ZMIZ1: variants seen among roughly 807,000 people sequenced by gnomAD.
ZMIZ1 encodes zinc finger MIZ domain-containing protein 1.
ZMIZ1 carries 17 observed loss-of-function variants against 113.9 expected under a neutral mutation model. That is an observed-to-expected ratio of 0.15 (90% CI 0.10 to 0.22). The LOEUF (loss-of-function observed/expected upper bound fraction) is 0.22, where lower values mean the gene tolerates loss of function less well. Among genes scored for constraint, ZMIZ1 ranks in the 10% least tolerant of loss-of-function variants. The pLI, the probability that ZMIZ1 is intolerant of heterozygous loss-of-function variation, is 1.00. For synonymous variants in ZMIZ1, 607 were observed against 603.1 expected (o/e 1.01, Z -0.09); for missense variants, 1,059 against 1,477.8 (o/e 0.72, Z 4.65).
At chr10:79,277,711 C>T (rs1329899121) in intron 8 of ZMIZ1, among the ~76,000 whole-genome samples, 2 of 152,182 alleles carry the variant, frequency 1.3e-5, no homozygotes, top group Admixed American at 6.5e-5. Flanking sequence ...AGAGCCAGCC[C>T]AGGCCAGCCA....
chr10:79,219,656 T>C (rs1365148186), intron 7 of ZMIZ1, among the ~76,000 whole-genome samples: 1 of 152,212 alleles, frequency 6.6e-6, no homozygotes, highest in Non-Finnish European at 1.5e-5. Context: ...GCACCCCTGC[T>C]TGAACACAGC....
intron 2 of ZMIZ1, 81 bp from the exon 3 acceptor site, chr10:79,139,601 G>A (rs151266249): frequency 2.0e-5 from 8 of 397,780 alleles, no homozygotes; most frequent in East Asian, 1.8e-4. Flanking sequence ...TTAGCTTGGC[G>A]GCAGGGACAG....
chr10:79,305,278 C>T (rs1374608241), intron 20 of ZMIZ1, 47 bp downstream of exon 20: 2 of 1,602,348 alleles, frequency 1.2e-6, no homozygotes, highest in South Asian at 2.2e-5. Context: ...CCCCCAACCA[C>T]AGACGGGAGG....
rs77104363 is a variant in ZMIZ1 at position 79,132,453 on chromosome 10, G to T, written c.-226-7229G>T. On this transcript the variant is annotated intron_variant, in intron 2 of 24. Transcript: ENST00000334512. ...CCACACAAGCCTGTGTATTGGGCTG[G>T]AGTGAGGCAGCAGGGAGCAGCGAGG... Among the ~76,000 whole-genome samples, 206 of 152,332 alleles carry T rather than the reference G, an allele frequency of 1.4e-3. 2 individuals carry two copies. The East Asian group carries it at 0.029, about 21-fold the overall frequency.
At chr10:79,253,151 A>AC (rs1345549319) in intron 7 of ZMIZ1, among the ~76,000 whole-genome samples, 1 of 152,166 alleles carries the variant, frequency 6.6e-6, no homozygotes, top group African/African-American at 2.4e-5. Flanking sequence ...TGTTGCAGAG[A>AC]TTATGTGTTG....
chr10:79,216,538 C>T, intron 7 of ZMIZ1: 1 of 324,644 alleles, frequency 3.1e-6, no homozygotes, highest in Non-Finnish European at 5.7e-6. Flanking sequence ...CAGCAGTAGG[C>T]ACTGTGCTAC....
intron 1 of ZMIZ1, among the ~76,000 whole-genome samples, chr10:79,114,769 C>G (rs1457877861): frequency 1.3e-5 from 2 of 152,064 alleles, no homozygotes; most frequent in East Asian, 3.9e-4. Context: ...CTCCCCTCCC[C>G]CTGACATCTT....
chr10:79,265,589 T>C (rs1014800125), intron 7 of ZMIZ1, among the ~76,000 whole-genome samples: 3 of 151,376 alleles, frequency 2.0e-5, no homozygotes, highest in Non-Finnish European at 4.4e-5. Context: ...AGCTTGCTAC[T>C]GATGGTGCTG....
At chr10:79,194,978 C>T (rs1056725155) in intron 4 of ZMIZ1, among the ~76,000 whole-genome samples, 19 of 152,190 alleles carry the variant, frequency 1.2e-4, no homozygotes, top group Non-Finnish European at 8.8e-5. Flanking sequence ...CCAACTAAGC[C>T]CAGCCAAGCG....
chr10:79,228,889 C>G (rs867520224), intron 7 of ZMIZ1, among the ~76,000 whole-genome samples: 3 of 152,220 alleles, frequency 2.0e-5, no homozygotes, highest in African/African-American at 7.2e-5. Context: ...CTATATGTAT[C>G]CCCGGCCTCA....
intron 2 of ZMIZ1, among the ~76,000 whole-genome samples, chr10:79,133,602 G>T (rs1224070165): frequency 1.3e-5 from 2 of 152,098 alleles, no homozygotes; most frequent in South Asian, 2.1e-4. Flanking sequence ...TCCTAGCGAC[G>T]CATGCCTGGC....
intron 4 of ZMIZ1, among the ~76,000 whole-genome samples, chr10:79,195,515 GC>G (rs1191482818): frequency 1.3e-5 from 2 of 151,796 alleles, no homozygotes; most frequent in Non-Finnish European, 2.9e-5. Context: ...TAGAGCTGCA[GC>G]CACGGAGGAT....
intron 2 of ZMIZ1, among the ~76,000 whole-genome samples, chr10:79,130,642 A>G (rs767299985): frequency 1.3e-5 from 2 of 152,116 alleles, no homozygotes; most frequent in African/African-American, 2.4e-5. Context: ...CGCTGGGGTC[A>G]TAATATGAGG....
intron 1 of ZMIZ1, among the ~76,000 whole-genome samples, chr10:79,070,093 G>A (rs572506690): frequency 1.3e-5 from 2 of 151,670 alleles, no homozygotes; most frequent in Non-Finnish European, 2.9e-5. Context: ...GGCCCCGGGG[G>A]AGTGGGAGGC....
rs1853936912 is a variant in ZMIZ1, at chr10:79,296,919, A to T, written c.1413+266A>T. ...ATTCACGGCACTCACAAAATAATAA[A>T]GGAAATATATTTTATTAAAAAAACA... On this transcript the variant is annotated intron_variant, in intron 13 of 24. Coordinates refer to ENST00000334512, the MANE Select transcript of ZMIZ1 (RefSeq NM_020338.4). This position sits in a 1 kb window ranked among gnomAD's most constrained non-coding sequence, Gnocchi z 4.1. 2.8e-6 allele frequency: 1 copy of T among 360,992 alleles called. No homozygotes were observed. Among genetic ancestry groups the T allele is most frequent in the African/African-American group, 2.1e-5 (1 of 47,596 alleles). 22.4% of individuals were successfully genotyped at this position (360,992 alleles called of 1,614,324 possible).
chr10:79,175,250 G>A (rs543859224), intron 4 of ZMIZ1, among the ~76,000 whole-genome samples: 22 of 152,328 alleles, frequency 1.4e-4, no homozygotes, highest in African/African-American at 4.8e-4. Context: ...CAGCTGCCCC[G>A]AGGTGTCCTC....
chr10:79,160,646 C>G (rs753566558), intron 3 of ZMIZ1, among the ~76,000 whole-genome samples: 4 of 152,258 alleles, frequency 2.6e-5, no homozygotes, highest in Non-Finnish European at 4.4e-5. Flanking sequence ...GCCTGCCTCT[C>G]AATCACCAGG....
At chr10:79,108,265 C>G (rs1564654696) in intron 1 of ZMIZ1, among the ~76,000 whole-genome samples, 1 of 152,184 alleles carries the variant, frequency 6.6e-6, no homozygotes, top group South Asian at 2.1e-4. Flanking sequence ...ATTCCAGTCC[C>G]CCTTTACAGA....
intron 3 of ZMIZ1, among the ~76,000 whole-genome samples, chr10:79,160,293 G>C (rs935137084): frequency 5.9e-5 from 9 of 152,202 alleles, no homozygotes; most frequent in Non-Finnish European, 1.2e-4. Context: ...CAGAAGGTTA[G>C]GATGTAGAGC....
Sources: allele counts gnomAD v4.1 joint callset (sites outside exome capture counted in the v4.1 genomes callset), GRCh38; gene constraint gnomAD v4.1.1; non-coding constraint Gnocchi (gnomAD v3.1); transcripts MANE v1.5; gene names NCBI Gene and HGNC (gene_info 2026-07-23, HGNC 2026-07-21).